Variants in TPTE2 observed in about 807,000 individuals in gnomAD.
TPTE2 encodes phosphatidylinositol 3,4,5-trisphosphate 3-phosphatase TPTE2.
TPTE2 carries 53 observed loss-of-function variants against 78.6 expected under a neutral mutation model. The ratio of observed to expected loss-of-function variants is 0.67; its 90% CI spans 0.54 to 0.85. The LOEUF is 0.85. Ranked by LOEUF, TPTE2 falls within the 40% of genes least tolerant of loss-of-function variation. The probability of loss-of-function intolerance (pLI) is 0.00; values close to 1 mark genes in which losing one functional copy is unlikely to be tolerated. For synonymous variants in TPTE2, 175 were observed against 206.2 expected (o/e 0.85, Z 1.30); for missense variants, 461 against 623.0 (o/e 0.74, Z 2.77).
chr13:19,427,858 A>G lies in TPTE2; in HGVS notation c.1303-1341T>C, dbSNP rs918016962. ...ATGGCACCCACAATAAGAAAGGTCT[A>G]TGCTAGGCCCTGTGAAAAACACAAA... On this transcript the variant is annotated intron_variant, in intron 17 of 19. Coordinates refer to ENST00000400230, the Ensembl canonical transcript of TPTE2. Among the ~76,000 whole-genome samples, 2 of 152,242 alleles carry G rather than the reference A, an allele frequency of 1.3e-5. 1 individual carries two copies. The highest frequency in any genetic ancestry group is 2.9e-5 in the Non-Finnish European group (2 of 68,048).
chr13:19,425,679 C>G, intron 18 of TPTE2: 1 of 510,896 alleles, frequency 2.0e-6, no homozygotes, highest in South Asian at 1.4e-5. Context: ...GACTTCCCCT[C>G]AGGAAACCTG....
intron 18 of TPTE2, among the ~76,000 whole-genome samples, chr13:19,425,320 T>G (rs1875947146): frequency 6.6e-6 from 1 of 152,256 alleles, no homozygotes; most frequent in Non-Finnish European, 1.5e-5. Context: ...CAGATGCTAC[T>G]AAGGACCTAT....
Position 19,534,290 on chromosome 13 carries a change from T to A in TPTE2, c.-44+2306A>T, listed in dbSNP as rs539386531. ...TGGGGACTTGAAGTATGGTTTCTAC[T>A]GAATGTGCATCACCTTTGGAACCAT... On this transcript the variant is annotated intron_variant, in intron 1 of 17. Transcript: ENST00000390680. 7.9e-5 allele frequency among the ~76,000 whole-genome samples: 12 copies of A among 152,344 alleles called. No homozygotes were observed. In the South Asian group the frequency reaches 2.5e-3, roughly 32 times the overall value.
At chr13:19,531,626 T>C (rs1227007739) in intron 1 of TPTE2, among the ~76,000 whole-genome samples, 1 of 92,364 alleles carries the variant, frequency 1.1e-5, no homozygotes, top group Non-Finnish European at 2.8e-5. Context: ...ATTAGGTATT[T>C]AGTTAAAAAA....
chr13:19,516,914 G>C (rs1315591293), intron 1 of TPTE2, among the ~76,000 whole-genome samples: 2 of 151,492 alleles, frequency 1.3e-5, no homozygotes, highest in Non-Finnish European at 2.9e-5. Flanking sequence ...ATTTTTATTT[G>C]CTGGGTCACA....
chr13:19,527,001 A>G (rs567322128), intron 1 of TPTE2, among the ~76,000 whole-genome samples: 57 of 152,216 alleles, frequency 3.7e-4, no homozygotes, highest in African/African-American at 1.3e-3. Flanking sequence ...GACTGACACA[A>G]TGTGGAATAA....
intron 6 of TPTE2, among the ~76,000 whole-genome samples, chr13:19,470,887 T>TTTTATTTATTTA (rs57724907): frequency 0.02 from 2,828 of 139,604 alleles, 56 homozygotes; most frequent in Middle Eastern, 0.043. Flanking sequence ...GATCTTTTTA[T>TTTTATTTATTTA]TTTATTTATT....
intron 13 of TPTE2, among the ~76,000 whole-genome samples, chr13:19,445,042 A>G (rs566596029): frequency 7.6e-4 from 116 of 152,316 alleles, no homozygotes; most frequent in Middle Eastern, 3.4e-3. Flanking sequence ...AACTCAAGGA[A>G]AATTTTCTTA....
Position 19,450,246 on chromosome 13 carries a change from T to G in TPTE2, c.884+17A>C. The G allele has an allele frequency of 6.2e-7, 1 of 1,611,088 alleles. No homozygotes were observed. Among genetic ancestry groups the G allele is most frequent in the Non-Finnish European group, 8.5e-7 (1 of 1,179,386 alleles). On this transcript the variant is annotated intron_variant, in intron 12 of 19. Coordinates refer to ENST00000400230, the Ensembl canonical transcript of TPTE2. ...TATTTAGCCCTCTTCTGATAGTCAA[T>G]TTAGCATAAAACTTACTGTAGAGTG...
chr13:19,496,247 C>A (rs1198516190), intron 1 of TPTE2, among the ~76,000 whole-genome samples: 2 of 152,196 alleles, frequency 1.3e-5, no homozygotes, highest in Non-Finnish European at 2.9e-5. Flanking sequence ...TCTGCCATGC[C>A]ATTTACCCTA....
At chr13:19,538,616 C>A (rs917477573), upstream of TPTE2, among the ~76,000 whole-genome samples, 18 of 151,916 alleles carry the variant, frequency 1.2e-4, no homozygotes, top group Non-Finnish European at 2.4e-4. Flanking sequence ...GCAACCTCCA[C>A]CTCCCAGGTT....
upstream of TPTE2, among the ~76,000 whole-genome samples, chr13:19,505,565 G>T (rs1479032080): frequency 2.0e-5 from 3 of 151,980 alleles, no homozygotes; most frequent in Non-Finnish European, 4.4e-5. Context: ...TGTCTTTCCT[G>T]CCCAGAAGAT....
chr13:19,494,072 C>T (rs1195725484), intron 1 of TPTE2, among the ~76,000 whole-genome samples: 1 of 152,180 alleles, frequency 6.6e-6, no homozygotes, highest in Non-Finnish European at 1.5e-5. Context: ...TCCCCAAGTA[C>T]TCCTACTTCC....
At chr13:19,448,200 G>C (rs1333063505) in intron 13 of TPTE2, among the ~76,000 whole-genome samples, 1 of 152,188 alleles carries the variant, frequency 6.6e-6, no homozygotes, top group Non-Finnish European at 1.5e-5. Flanking sequence ...GCTTAACTGT[G>C]AAACGTGAAA....
At chr13:19,537,360 A>G (rs1225859587), upstream of TPTE2, among the ~76,000 whole-genome samples, 1 of 151,426 alleles carries the variant, frequency 6.6e-6, no homozygotes, top group Non-Finnish European at 1.5e-5. Flanking sequence ...CAGCCTCCCA[A>G]GTAGCTGGGA....
chr13:19,560,811 C>A, the TPTE2 span: 1 of 1,506,634 alleles, frequency 6.6e-7, no homozygotes, highest in Non-Finnish European at 9.0e-7. Flanking sequence ...CTCCCGCCCA[C>A]CCCGGACGCG....
rs1871015277 is a variant in TPTE2 at position 19,533,586 on chromosome 13, A to G, written c.-44+3010T>C. Among the ~76,000 whole-genome samples the G allele has an allele frequency of 2.0e-5, 3 of 152,242 alleles. No individual in the cohort carries two copies. In the South Asian group the frequency reaches 6.2e-4, roughly 31 times the overall value. Reference sequence around the variant, plus strand: ...CTGGAGTTCTGACAAGCATGTGGAAAGAGACGGATACTATTTTTGAAGCAA... The same window carrying G: ...CTGGAGTTCTGACAAGCATGTGGAAGGAGACGGATACTATTTTTGAAGCAA... On this transcript the variant is annotated intron_variant, in intron 1 of 17. Transcript: ENST00000390680.
At chr13:19,466,547 G>C (rs1369434164) in intron 7 of TPTE2, among the ~76,000 whole-genome samples, 10 of 152,148 alleles carry the variant, frequency 6.6e-5, no homozygotes, top group Non-Finnish European at 1.2e-4. Flanking sequence ...AGAGTCACCA[G>C]GGCCTCATAC....
At chr13:19,532,191 G>T (rs36116079) in intron 1 of TPTE2, among the ~76,000 whole-genome samples, 1 of 151,992 alleles carries the variant, frequency 6.6e-6, no homozygotes, top group Non-Finnish European at 1.5e-5. Flanking sequence ...AAAATTATCA[G>T]CTGACAAACA....
Sources: allele counts gnomAD v4.1 joint callset (sites outside exome capture counted in the v4.1 genomes callset), GRCh38; gene constraint gnomAD v4.1.1; transcripts MANE v1.5; gene names NCBI Gene and HGNC (gene_info 2026-07-23, HGNC 2026-07-21).